Variants in IQSEC1 observed in about 807,000 individuals in gnomAD.
IQSEC1 encodes the protein IQ motif and Sec7 domain ArfGEF 1.
A neutral mutation model predicts 91.0 loss-of-function variants in IQSEC1; 31 were observed. The ratio of observed to expected loss-of-function variants is 0.34; its 90% CI spans 0.26 to 0.46. The LOEUF (loss-of-function observed/expected upper bound fraction) is 0.46, where lower values mean the gene tolerates loss of function less well. IQSEC1 is among the 20% of genes least tolerant of loss of function. The pLI, the probability that IQSEC1 is intolerant of heterozygous loss-of-function variation, is 1.00. For missense variants in IQSEC1, 1,388 were observed against 1,575.6 expected (o/e 0.88, Z 2.02); for synonymous variants, 699 against 662.6 (o/e 1.05, Z -0.84).
At chr3:12,933,131 C>G (rs1011989313) in intron 3 of IQSEC1, among the ~76,000 whole-genome samples, 1 of 152,306 alleles carries the variant, frequency 6.6e-6, no homozygotes, top group African/African-American at 2.4e-5. Flanking sequence ...CATACCACCC[C>G]GCAGGGAGAG....
At position 13,122,651 on chromosome 3, in the gene IQSEC1, G is replaced by A. The variant is rs181152611; in HGVS notation, c.302+41453C>T. Reference sequence around the variant, plus strand: ...GCCTGATGTCCTCAAAACTCAAAACGAGCTGGGCACAGGCCCCGGGAAGGG... The same window carrying A: ...GCCTGATGTCCTCAAAACTCAAAACAAGCTGGGCACAGGCCCCGGGAAGGG... On this transcript the variant is annotated intron_variant, in intron 2 of 15. Coordinates refer to the IQSEC1 transcript ENST00000648114. 8.5e-5 allele frequency among the ~76,000 whole-genome samples: 13 copies of A among 152,276 alleles called. No homozygotes were observed. The East Asian group carries it at 2.5e-3, about 29-fold the overall frequency.
chr3:13,280,409 G>C (rs1333694496), intron 1 of IQSEC1, among the ~76,000 whole-genome samples: 1 of 152,224 alleles, frequency 6.6e-6, no homozygotes. Flanking sequence ...TCCATGGTTT[G>C]CTGAGCAGCC....
At chr3:13,061,170 G>A (rs987472887) in intron 1 of IQSEC1, among the ~76,000 whole-genome samples, 2 of 152,090 alleles carry the variant, frequency 1.3e-5, no homozygotes, top group East Asian at 1.9e-4. Flanking sequence ...TCTGGCCCAC[G>A]AGGCTGGGAA....
At chr3:13,168,582 G>A (rs2124995933) in intron 1 of IQSEC1, among the ~76,000 whole-genome samples, 1 of 152,272 alleles carries the variant, frequency 6.6e-6, no homozygotes, top group Non-Finnish European at 1.5e-5. Flanking sequence ...AAGACTGCAA[G>A]GTCTGGCCCT....
chr3:13,124,331 A>G (rs1408616166), intron 2 of IQSEC1, among the ~76,000 whole-genome samples: 1 of 152,140 alleles, frequency 6.6e-6, no homozygotes, highest in Non-Finnish European at 1.5e-5. Flanking sequence ...TTATGCCTCC[A>G]AAGTAGAGAA....
intron 2 of IQSEC1, among the ~76,000 whole-genome samples, chr3:13,080,798 G>A (rs1054544652): frequency 6.6e-6 from 1 of 152,128 alleles, no homozygotes; most frequent in South Asian, 2.1e-4. Context: ...GGGATCTGCC[G>A]TCTGTCCTGT....
intron 2 of IQSEC1, among the ~76,000 whole-genome samples, chr3:13,100,621 A>C (rs1706039558): frequency 6.7e-6 from 1 of 148,748 alleles, no homozygotes; most frequent in South Asian, 2.1e-4. Context: ...GAGTGGGAGA[A>C]ACAGGCACAA....
At chr3:12,985,183 C>A (rs909611307) in intron 1 of IQSEC1, among the ~76,000 whole-genome samples, 5 of 152,228 alleles carry the variant, frequency 3.3e-5, no homozygotes, top group African/African-American at 1.2e-4. Flanking sequence ...CCCTACATCA[C>A]AGGCTTTAGC....
intron 1 of IQSEC1, among the ~76,000 whole-genome samples, chr3:13,164,449 A>AG (rs1374524077): frequency 1.3e-5 from 2 of 152,168 alleles, no homozygotes; most frequent in Non-Finnish European, 2.9e-5. Context: ...AAGCCAGAGG[A>AG]GGGGTCTATG....
At chr3:13,206,282 T>A (rs1411403297) in intron 1 of IQSEC1, among the ~76,000 whole-genome samples, 1 of 151,388 alleles carries the variant, frequency 6.6e-6, no homozygotes, top group African/African-American at 2.4e-5. Context: ...AGGCATCTAC[T>A]AGGGGTTGAA....
chr3:12,901,617 G>A lies in IQSEC1; in HGVS notation c.2806-95C>T, dbSNP rs549021609. On this transcript the variant is annotated intron_variant, in intron 13 of 13. Transcript: ENST00000613206. The stretch of plus-strand genomic sequence containing the variant: ...TTTCAAATGTAAAAATTCACCCACT[G>A]ACTGCTAAGCTTTAGTTCAACTCAC... The A allele has an allele frequency of 6.5e-5, 69 of 1,064,666 alleles. No individual in the cohort carries two copies. In the African/African-American group the frequency reaches 1.0e-3, roughly 16 times the overall value. The allele number at this position is 1,064,666 out of a possible 1,614,324, so 66.0% of individuals were successfully genotyped here.
At chr3:13,246,945 G>A (rs1277384398) in intron 1 of IQSEC1, among the ~76,000 whole-genome samples, 2 of 152,160 alleles carry the variant, frequency 1.3e-5, no homozygotes, top group Non-Finnish European at 2.9e-5. Flanking sequence ...GAGCTGACCA[G>A]CAAATCCTGC....
intron 1 of IQSEC1, among the ~76,000 whole-genome samples, chr3:12,987,223 G>A (rs360842): frequency 0.83 from 126,777 of 152,292 alleles, 52,949 homozygotes; most frequent in East Asian, 0.98. Context: ...TGCTGGGGGC[G>A]GGGAGGGCTG....
chr3:13,109,578 C>T (rs1185661062), intron 2 of IQSEC1, among the ~76,000 whole-genome samples: 1 of 152,086 alleles, frequency 6.6e-6, no homozygotes, highest in East Asian at 1.9e-4. Context: ...ATCCCTCATG[C>T]TTGATGCTGT....
chr3:13,276,911 G>A (rs781518539), intron 1 of IQSEC1, among the ~76,000 whole-genome samples: 17 of 151,868 alleles, frequency 1.1e-4, no homozygotes, highest in Non-Finnish European at 1.3e-4. Flanking sequence ...CGCTGAACTC[G>A]GACTGCCTCC....
chr3:13,197,851 G>A (rs1380911960), intron 1 of IQSEC1, among the ~76,000 whole-genome samples: 2 of 152,234 alleles, frequency 1.3e-5, no homozygotes, highest in Non-Finnish European at 2.9e-5. Context: ...AGGTGGGAGC[G>A]AGTCCCCCAG....
In IQSEC1 at chr3:13,044,834, C is replaced by T. The variant is rs142237183; in HGVS notation, c.23+28158G>A. On this transcript the variant is annotated intron_variant, in intron 1 of 13. Coordinates refer to ENST00000613206, the MANE Select transcript of IQSEC1 (RefSeq NM_001134382.3). Reference sequence around the variant, plus strand: ...GCTGTGCACAGGCCTCCAGAACCTCCGAAGGCTGGGATTCTCAGAAGCTTG... The same window carrying T: ...GCTGTGCACAGGCCTCCAGAACCTCTGAAGGCTGGGATTCTCAGAAGCTTG... Among the ~76,000 whole-genome samples, 1,088 of 152,382 alleles carry T rather than the reference C, an allele frequency of 7.1e-3. 13 individuals carry two copies. The highest frequency in any genetic ancestry group is 0.014 in the Middle Eastern group (4 of 294).
At chr3:13,263,546 G>A (rs923503811) in intron 1 of IQSEC1, among the ~76,000 whole-genome samples, 3 of 151,768 alleles carry the variant, frequency 2.0e-5, no homozygotes, top group Non-Finnish European at 4.4e-5. Flanking sequence ...GGGTTCAAGC[G>A]ATTCTCTTGC....
chr3:13,013,822 CAAAT>C (rs1702996705), intron 1 of IQSEC1, among the ~76,000 whole-genome samples: 1 of 152,336 alleles, frequency 6.6e-6, no homozygotes, highest in East Asian at 1.9e-4. Flanking sequence ...ACTGAATTAA[CAAAT>C]GAATGATGTG....
Sources: gnomAD v4.1 joint callset for allele counts (sites outside exome capture counted in the v4.1 genomes callset) on GRCh38, gnomAD v4.1.1 for gene constraint, MANE v1.5 for transcripts, NCBI Gene and HGNC (gene_info 2026-07-23, HGNC 2026-07-21) for gene names.